The following WNK3 variants were observed in gnomAD, a reference collection of about 807,000 sequenced individuals.
WNK3 encodes serine/threonine-protein kinase WNK3.
A neutral mutation model predicts 116.7 loss-of-function variants in WNK3; 18 were observed. The ratio of observed to expected loss-of-function variants is 0.15; its 90% CI spans 0.11 to 0.23. The LOEUF (loss-of-function observed/expected upper bound fraction) is 0.23. Ranked by LOEUF, WNK3 falls within the 10% of genes least tolerant of loss-of-function variation. The pLI, the probability that WNK3 is intolerant of heterozygous loss-of-function variation, is 1.00. For missense variants in WNK3, 993 were observed against 1,323.8 expected (o/e 0.75, Z 3.88); for synonymous variants, 404 against 469.4 (o/e 0.86, Z 1.80).
At chrX:54,293,898 T>C (rs1240993058) in intron 8 of WNK3, among the ~76,000 whole-genome samples, 1 of 112,255 alleles carries the variant, frequency 8.9e-6, no homozygotes, top group East Asian at 2.8e-4. Context: ...TGTACGTGGC[T>C]GGGCGCGGTG....
chrX:54,203,108 T>C (rs781882512), intron 22 of WNK3, among the ~76,000 whole-genome samples: 6 of 112,323 alleles, frequency 5.3e-5, no homozygotes, highest in Non-Finnish European at 1.9e-5. Flanking sequence ...AAGATGAATG[T>C]GTATCTAGAA....
chrX:54,312,234 G>A (rs1231101486), intron 2 of WNK3, among the ~76,000 whole-genome samples: 2 of 110,241 alleles, frequency 1.8e-5, no homozygotes, highest in Non-Finnish European at 3.8e-5. Flanking sequence ...GGTAAGGTGG[G>A]AGGATTGCTT....
At chrX:54,291,823 T>G (rs1481337932) in intron 10 of WNK3, among the ~76,000 whole-genome samples, 2 of 111,878 alleles carry the variant, frequency 1.8e-5, no homozygotes, top group Non-Finnish European at 3.8e-5. Context: ...GATGATGAAC[T>G]GATAATATAC....
chrX:54,264,331 A>G (rs781860673), intron 10 of WNK3, among the ~76,000 whole-genome samples: 38 of 102,706 alleles, frequency 3.7e-4, no homozygotes, highest in Non-Finnish European at 7.2e-4. Context: ...AGACTGTCTC[A>G]AAAAAAAAAA....
At chrX:54,222,072 G>A (rs932728718) in intron 22 of WNK3, among the ~76,000 whole-genome samples, 3 of 110,818 alleles carry the variant, frequency 2.7e-5, no homozygotes, top group East Asian at 5.7e-4. Flanking sequence ...AAGGAGAATC[G>A]CTTGAACCTG....
intron 13 of WNK3, among the ~76,000 whole-genome samples, chrX:54,253,010 T>A (rs782374381): frequency 9.1e-6 from 1 of 109,388 alleles, no homozygotes; most frequent in Non-Finnish European, 1.9e-5. Flanking sequence ...AAAGAAAATA[T>A]TAAAAACTAA....
intron 4 of WNK3, among the ~76,000 whole-genome samples, chrX:54,308,365 T>C (rs1318373850): frequency 9.1e-6 from 1 of 110,042 alleles, no homozygotes; most frequent in Non-Finnish European, 1.9e-5. Context: ...CTAATTTTTG[T>C]ATTTTTAGTA....
At chrX:54,282,459 G>C (rs2068528436) in intron 10 of WNK3, among the ~76,000 whole-genome samples, 2 of 111,104 alleles carry the variant, frequency 1.8e-5, no homozygotes, top group Admixed American at 1.9e-4. Context: ...TTAATGAAAA[G>C]ACATCCATGT....
intron 21 of WNK3, among the ~76,000 whole-genome samples, chrX:54,232,095 ATGTG>A (rs1228009876): frequency 6.2e-5 from 6 of 96,639 alleles, no homozygotes; most frequent in Non-Finnish European, 1.0e-4. Flanking sequence ...GTCTGTGTAT[ATGTG>A]TGTGTGTGTG....
intron 1 of WNK3, among the ~76,000 whole-genome samples, chrX:54,356,955 C>T (rs782100203): frequency 9.2e-6 from 1 of 108,712 alleles, no homozygotes; most frequent in Non-Finnish European, 1.9e-5. Context: ...GCCACCTCAC[C>T]ACTTTCATCC....
intron 1 of WNK3, among the ~76,000 whole-genome samples, chrX:54,354,441 G>T (rs1251363750): frequency 3.6e-5 from 4 of 111,273 alleles, no homozygotes; most frequent in East Asian, 2.8e-4. Context: ...GAAAGGAGGG[G>T]TTTTTTTCCT....
chrX:54,252,199 T>C (rs1190575500), intron 13 of WNK3, among the ~76,000 whole-genome samples: 20 of 111,275 alleles, frequency 1.8e-4, no homozygotes, highest in Non-Finnish European at 2.8e-4. Flanking sequence ...ATTAAATTAT[T>C]CTGAGACTAC....
At chrX:54,224,928 G>A (rs978036928) in intron 22 of WNK3, among the ~76,000 whole-genome samples, 1 of 110,702 alleles carries the variant, frequency 9.0e-6, no homozygotes, top group African/African-American at 3.3e-5. Flanking sequence ...ATGATCAACA[G>A]AGAAATAGAA....
intron 7 of WNK3, among the ~76,000 whole-genome samples, chrX:54,295,742 C>G (rs1238675433): frequency 9.5e-6 from 1 of 105,101 alleles, no homozygotes; most frequent in Non-Finnish European, 1.9e-5. Context: ...GGCTAGAATG[C>G]AGTGGTACAA....
At chrX:54,345,232 ACT>A (rs1274288716) in intron 1 of WNK3, among the ~76,000 whole-genome samples, 29 of 78,463 alleles carry the variant, frequency 3.7e-4, no homozygotes, top group Non-Finnish European at 6.6e-4. Flanking sequence ...ACAAAGGGAG[ACT>A]CTGTCTCAAC....
At chrX:54,214,803 G>C (rs1342441497) in intron 22 of WNK3, among the ~76,000 whole-genome samples, 1 of 111,228 alleles carries the variant, frequency 9.0e-6, no homozygotes, top group Admixed American at 9.6e-5. Flanking sequence ...ACGAGGTCAG[G>C]AGATCGAGAC....
intron 7 of WNK3, among the ~76,000 whole-genome samples, chrX:54,296,032 G>A (rs184010554): frequency 1.2e-4 from 13 of 111,838 alleles, no homozygotes; most frequent in Non-Finnish European, 2.3e-4. Flanking sequence ...AAAAAGGAAC[G>A]TGCACACTAT....
intron 15 of WNK3, 66 bp downstream of exon 15, chrX:54,251,333 T>C (rs2068127074): frequency 1.4e-6 from 1 of 704,713 alleles, no homozygotes; most frequent in African/African-American, 2.2e-5. Context: ...CCAATGAAGG[T>C]GTGTTAAAAG....
chrX:54,295,132 C>T (rs782167594), intron 7 of WNK3, among the ~76,000 whole-genome samples: 19 of 108,546 alleles, frequency 1.8e-4, no homozygotes, highest in African/African-American at 3.4e-4. Context: ...TTCCTGACGT[C>T]GTGATCCACC....
Sources: gnomAD v4.1 joint callset for allele counts (sites outside exome capture counted in the v4.1 genomes callset) on GRCh38, gnomAD v4.1.1 for gene constraint, MANE v1.5 for transcripts, NCBI Gene and HGNC (gene_info 2026-07-23, HGNC 2026-07-21) for gene names.